The following NLRP14 variants were observed in gnomAD, a reference collection of about 807,000 sequenced individuals.
NLRP14 encodes the protein NACHT, LRR and PYD domains-containing protein 14.
In NLRP14, 105 loss-of-function variants were observed where a neutral mutation model predicts 94.7. The ratio of observed to expected loss-of-function variants is 1.11; its 90% CI spans 0.95 to 1.30. The LOEUF (loss-of-function observed/expected upper bound fraction) is 1.30. Ranked by LOEUF, NLRP14 falls within the 50% of genes most tolerant of loss-of-function variation. The pLI is 0.00. For missense variants in NLRP14, 1,362 were observed against 1,254.1 expected (o/e 1.09, Z -1.30); for synonymous variants, 508 against 459.9 (o/e 1.10, Z -1.34).
Position 7,043,176 on chromosome 11 carries a change from G to C in NLRP14, c.1150G>C (p.Glu384Gln), listed in dbSNP as rs1852291344. The part of the protein sequence containing the change: ...AACTCLKQQM[E>Q]KGGDVTLTCQ... ...TTGTACTTGTCTGAAGCAGCAAATG[G>C]AGAAGGGTGGTGATGTCACATTGAC... is the stretch of plus-strand genomic sequence containing the variant. The change falls in exon 4 of 12, where the codon GAG (glutamate) becomes CAG (glutamine). Residue 384 changes from glutamate (E) to glutamine (Q), a missense_variant. Physicochemically the swap from Glu to Gln is conservative, Grantham distance 29. Coordinates refer to ENST00000299481, the MANE Select transcript of NLRP14 (RefSeq NM_176822.4). 1 of 1,613,992 alleles carries C rather than the reference G, an allele frequency of 6.2e-7. No individual in the cohort carries two copies. The highest frequency in any genetic ancestry group is 8.5e-7 in the Non-Finnish European group (1 of 1,180,022).
Position 7,038,661 on chromosome 11 carries a change from G to C in NLRP14, c.75G>C (p.Glu25Asp). The C allele has an allele frequency of 6.2e-7, 1 of 1,613,816 alleles. No individual in the cohort carries two copies. The highest frequency in any genetic ancestry group is 1.1e-5 in the South Asian group (1 of 91,064). The part of the protein sequence containing the change: ...LLLYLEELNK[E>D]ELNTFKLFLK... ...TGTATTTGGAGGAGCTAAACAAAGAGGAATTAAATACATTCAAGTTATTCC... is the reference window on the plus strand; with the variant it reads ...TGTATTTGGAGGAGCTAAACAAAGACGAATTAAATACATTCAAGTTATTCC... The change falls in exon 2 of 12, where the codon GAG becomes GAC. Residue 25 changes from glutamate to aspartate, a missense_variant. Physicochemically the swap from Glu to Asp is conservative, Grantham distance 45. Transcript: ENST00000299481.
chr11:7,079,855 C>A, the NLRP14 span, among the ~76,000 whole-genome samples: 22 of 152,304 alleles, frequency 1.4e-4, no homozygotes, highest in African/African-American at 5.3e-4. Context: ...ACAATCTAAG[C>A]TGAACCCGAT....
chr11:7,058,066 A>T (rs1179744226), intron 7 of NLRP14, among the ~76,000 whole-genome samples: 1 of 151,032 alleles, frequency 6.6e-6, no homozygotes, highest in Non-Finnish European at 1.5e-5. Context: ...CTTTATTTTC[A>T]TTCTTTTCCA....
intron 10 of NLRP14, among the ~76,000 whole-genome samples, chr11:7,065,497 A>T (rs1485330742): frequency 6.6e-6 from 1 of 152,112 alleles, no homozygotes; most frequent in African/African-American, 2.4e-5. Flanking sequence ...GAATAATACA[A>T]TGTAGTTGTT....
chr11:7,071,476 T>A lies in NLRP14; in HGVS notation c.*168T>A, dbSNP rs187521805. Among the ~76,000 whole-genome samples, 2 of 149,982 alleles carry A rather than the reference T, an allele frequency of 1.3e-5. No individual in the cohort carries two copies. The highest frequency in any genetic ancestry group is 1.3e-4 in the Admixed American group (2 of 14,956). On this transcript the variant is annotated 3_prime_UTR_variant, in exon 12 of 12. Coordinates refer to ENST00000299481, the MANE Select transcript of NLRP14 (RefSeq NM_176822.4). ...TTCTCTGTAAAATGTCTGTTCTACT[T>A]CACACAGTGGTCGAGAGGCTAAAAT...
At chr11:7,049,534 T>TA in intron 5 of NLRP14, 137 bp from the exon 6 acceptor site, 2 of 703,476 alleles carry the variant, frequency 2.8e-6, no homozygotes, top group African/African-American at 3.6e-5. Context: ...ATTGAAGTTA[T>TA]AACCCAATTG....
Position 7,042,414 on chromosome 11 carries a change from A to C in NLRP14, c.388A>C (p.Ile130Leu), listed in dbSNP as rs755719533. Residue 130 changes from isoleucine (I) to leucine (L), a missense_variant, in exon 4 of 12, where the codon ATA (isoleucine) becomes CTA (leucine). Coordinates refer to ENST00000299481, the MANE Select transcript of NLRP14 (RefSeq NM_176822.4). ...LGDGTEYRNRIKEKFCITWDK... is the reference protein window; with the variant it reads ...LGDGTEYRNRLKEKFCITWDK... ...TGATGGAACAGAATACAGAAATAGAATAAAGGAAAAATTTTGCATCACTTG... is the reference window on the plus strand; with the variant it reads ...TGATGGAACAGAATACAGAAATAGACTAAAGGAAAAATTTTGCATCACTTG... 3 of 1,614,074 alleles carry C rather than the reference A, an allele frequency of 1.9e-6. No homozygotes were observed. The South Asian group carries it at 3.3e-5, about 18-fold the overall frequency.
At chr11:7,061,847 A>C (rs1040673171) in intron 9 of NLRP14, among the ~76,000 whole-genome samples, 6 of 152,084 alleles carry the variant, frequency 3.9e-5, no homozygotes, top group Non-Finnish European at 7.4e-5. Flanking sequence ...TGTGGGGACA[A>C]AATATGGAAA....
the NLRP14 span, among the ~76,000 whole-genome samples, chr11:7,084,098 C>A: frequency 2.9e-3 from 441 of 152,290 alleles, 1 homozygote; most frequent in African/African-American, 1.0e-2. Context: ...AAATAGGATG[C>A]TGTCCATTCA....
intron 1 of NLRP14, among the ~76,000 whole-genome samples, chr11:7,026,474 T>G (rs1852015071): frequency 6.6e-6 from 1 of 152,086 alleles, no homozygotes; most frequent in Non-Finnish European, 1.5e-5. Context: ...TCACACCAGT[T>G]AGAATGGCAA....
chr11:7,032,866 A>G (rs1011577474), intron 1 of NLRP14, among the ~76,000 whole-genome samples: 1 of 152,234 alleles, frequency 6.6e-6, no homozygotes, highest in African/African-American at 2.4e-5. Flanking sequence ...GAGCATAAAC[A>G]TGCAGCTTGG....
intron 1 of NLRP14, among the ~76,000 whole-genome samples, chr11:7,032,679 T>G (rs1319616665): frequency 1.3e-5 from 2 of 152,212 alleles, no homozygotes; most frequent in African/African-American, 2.4e-5. Context: ...TTTGAAAATT[T>G]TCTGAAATAC....
At chr11:7,039,035 G>A (rs1400671916) in intron 2 of NLRP14, among the ~76,000 whole-genome samples, 160 bp downstream of exon 2, 1 of 152,124 alleles carries the variant, frequency 6.6e-6, no homozygotes, top group Non-Finnish European at 1.5e-5. Flanking sequence ...AATTATTTGA[G>A]GAAGGAAAGG....
chr11:7,026,924 C>T (rs2119552885), intron 1 of NLRP14, among the ~76,000 whole-genome samples: 1 of 151,764 alleles, frequency 6.6e-6, no homozygotes, highest in South Asian at 2.1e-4. Flanking sequence ...AACTAACCTG[C>T]ACATTATGCA....
the NLRP14 span, chr11:7,089,035 C>T: frequency 1.4e-5 from 20 of 1,476,882 alleles, no homozygotes; most frequent in Non-Finnish European, 1.8e-5. Context: ...CAGTAGGAGC[C>T]GCCCTCGACG....
intron 6 of NLRP14, 145 bp downstream of exon 6, chr11:7,049,983 T>A (rs1286013469): frequency 1.4e-6 from 1 of 737,434 alleles, no homozygotes; most frequent in Non-Finnish European, 2.4e-6. Flanking sequence ...ATCTGTAGAA[T>A]CAAGCTGATT....
chr11:7,074,568 G>A (rs966708912), downstream of NLRP14, among the ~76,000 whole-genome samples: 1 of 152,162 alleles, frequency 6.6e-6, no homozygotes, highest in Non-Finnish European at 1.5e-5. Context: ...TCAGAAAAAG[G>A]AAAATTCTTA....
chr11:7,082,241 G>T, the NLRP14 span, among the ~76,000 whole-genome samples: 1 of 152,178 alleles, frequency 6.6e-6, no homozygotes, highest in Non-Finnish European at 1.5e-5. Flanking sequence ...ATAGGAATAG[G>T]AGGCTTTTAA....
At chr11:7,070,245 C>T (rs1351561427) in intron 10 of NLRP14, 41 bp from the exon 11 acceptor site, 13 of 1,458,620 alleles carry the variant, frequency 8.9e-6, no homozygotes, top group South Asian at 3.4e-5. Context: ...GTTGTGTCAT[C>T]GAATAAATTC....
Sources: gnomAD v4.1 joint callset for allele counts (sites outside exome capture counted in the v4.1 genomes callset) on GRCh38, gnomAD v4.1.1 for gene constraint, MANE v1.5 for transcripts, NCBI Gene and HGNC (gene_info 2026-07-23, HGNC 2026-07-21) for gene names.